Variants in SYNGR1 observed in about 807,000 individuals in gnomAD.
SYNGR1 encodes synaptogyrin-1.
SYNGR1 carries 14 observed loss-of-function variants against 26.1 expected under a neutral mutation model. The ratio of observed to expected loss-of-function variants is 0.54; its 90% CI spans 0.35 to 0.84. The LOEUF (loss-of-function observed/expected upper bound fraction) is 0.84, where lower values mean the gene tolerates loss of function less well. Ranked by LOEUF, SYNGR1 falls within the 40% of genes least tolerant of loss-of-function variation. The probability of loss-of-function intolerance (pLI) is 0.01; values close to 1 mark genes in which losing one functional copy is unlikely to be tolerated. For synonymous variants in SYNGR1, 141 were observed against 150.1 expected (o/e 0.94, Z 0.44); for missense variants, 319 against 332.9 (o/e 0.96, Z 0.33).
At chr22:39,360,905 C>A (rs957877915) in intron 1 of SYNGR1, among the ~76,000 whole-genome samples, 6 of 152,168 alleles carry the variant, frequency 3.9e-5, no homozygotes, top group African/African-American at 1.4e-4. Context: ...GCTTGGAGGG[C>A]GAGAACTGCA....
rs1923880372 is a variant in SYNGR1 at position 39,350,970 on chromosome 22, G to C, written c.99+861G>C. Among the ~76,000 whole-genome samples the C allele has an allele frequency of 6.6e-6, 1 of 152,220 alleles. No homozygotes were observed. The highest frequency in any genetic ancestry group is 1.5e-5 in the Non-Finnish European group (1 of 68,044). ...GCTGGGGGGCAGGGTCCTCAGTGCAGAGGGCTGAGTGGGCTCTTGTTCAGA... is the reference window on the plus strand; with the variant it reads ...GCTGGGGGGCAGGGTCCTCAGTGCACAGGGCTGAGTGGGCTCTTGTTCAGA... On this transcript the variant is annotated intron_variant, in intron 1 of 3. Transcript: ENST00000328933. This position sits in a 1 kb window ranked among gnomAD's most constrained non-coding sequence, Gnocchi z 4.3.
At chr22:39,355,198 A>T (rs12152131) in intron 1 of SYNGR1, among the ~76,000 whole-genome samples, 5,483 of 152,236 alleles carry the variant, frequency 0.036, 127 homozygotes, top group Non-Finnish European at 0.057. Context: ...TGGATGACAG[A>T]CTCACAAGCT....
chr22:39,367,311 C>T (rs1282104803), intron 1 of SYNGR1, among the ~76,000 whole-genome samples: 1 of 152,262 alleles, frequency 6.6e-6, no homozygotes, highest in Non-Finnish European at 1.5e-5. Flanking sequence ...GGGCAGGCAG[C>T]TCACTCACTC....
chr22:39,365,892 T>G (rs755731868), intron 1 of SYNGR1, among the ~76,000 whole-genome samples: 1 of 151,928 alleles, frequency 6.6e-6, no homozygotes, highest in Non-Finnish European at 1.5e-5. Flanking sequence ...GAGACAGGAT[T>G]TCATCATGTT....
chr22:39,378,259 A>T, intron 3 of SYNGR1: 2 of 1,005,118 alleles, frequency 2.0e-6, no homozygotes, highest in Non-Finnish European at 2.4e-6. Flanking sequence ...GCCTCAGTCC[A>T]CTTACCTGAA....
chr22:39,372,430 G>A lies in SYNGR1; in HGVS notation c.100-1886G>A, dbSNP rs187743769. ...ATAGGCATGAGCCACCATGCACCACGCCCAGCTCTTTTTTTTTTTTTTTTT... is the reference window on the plus strand; with the variant it reads ...ATAGGCATGAGCCACCATGCACCACACCCAGCTCTTTTTTTTTTTTTTTTT... On this transcript the variant is annotated intron_variant, in intron 1 of 3. Transcript: ENST00000328933. 2.7e-3 allele frequency among the ~76,000 whole-genome samples: 320 copies of A among 118,200 alleles called. 13 individuals carry two copies. The East Asian group carries it at 0.072, about 26-fold the overall frequency. The allele number at this position is 118,200 out of a possible 152,430, so 77.5% of individuals were successfully genotyped here.
At chr22:39,354,324 C>G (rs1265735812) in intron 1 of SYNGR1, among the ~76,000 whole-genome samples, 1 of 152,210 alleles carries the variant, frequency 6.6e-6, no homozygotes, top group East Asian at 1.9e-4. Flanking sequence ...AGAATTAAGG[C>G]TCAGCCTGGA....
Position 39,350,025 on chromosome 22 carries a change from G to T in SYNGR1, c.15G>T (p.Ala5=). Residue 5 remains alanine, a synonymous_variant, in exon 1 of 4, where the codon GCG becomes GCT. Coordinates refer to ENST00000328933, the MANE Select transcript of SYNGR1 (RefSeq NM_004711.5). This position sits in a 1 kb window ranked among gnomAD's most constrained non-coding sequence, Gnocchi z 4.3. The part of the protein sequence containing the change: MEGG[A]YGAGKAGGAF... ...GTGCAGCCACGATGGAAGGGGGTGC[G>T]TACGGAGCGGGCAAAGCCGGGGGCG... 1 of 1,376,022 alleles carries T rather than the reference G, an allele frequency of 7.3e-7. No homozygotes were observed. 85.2% of individuals were successfully genotyped at this position (1,376,022 alleles called of 1,614,324 possible).
intron 1 of SYNGR1, among the ~76,000 whole-genome samples, chr22:39,360,949 G>C (rs913844200): frequency 1.3e-5 from 2 of 152,226 alleles, no homozygotes; most frequent in African/African-American, 4.8e-5. Context: ...TTGCTTCCAG[G>C]CATCTCCTTA....
intron 3 of SYNGR1, among the ~76,000 whole-genome samples, chr22:39,378,800 T>C (rs1470576494): frequency 2.0e-5 from 3 of 152,198 alleles, no homozygotes; most frequent in East Asian, 1.9e-4. Context: ...ATCCTCCCTC[T>C]GCAGCCCAGG....
chr22:39,364,570 AGTGGGTTGTCCCTGAAG>A (rs1259158732), intron 1 of SYNGR1, among the ~76,000 whole-genome samples: 2 of 151,958 alleles, frequency 1.3e-5, no homozygotes, highest in East Asian at 3.9e-4. Context: ...GTGACTGGGA[AGTGGGTTGTCCCTGAAG>A]GTGTCTGGGA....
At chr22:39,360,235 C>T (rs1406897863) in intron 1 of SYNGR1, among the ~76,000 whole-genome samples, 1 of 152,218 alleles carries the variant, frequency 6.6e-6, no homozygotes, top group Non-Finnish European at 1.5e-5. Flanking sequence ...CTCTCCCTCT[C>T]TCTCCTCCAC....
intron 1 of SYNGR1, among the ~76,000 whole-genome samples, chr22:39,354,300 G>A (rs553753976): frequency 3.3e-5 from 5 of 152,292 alleles, no homozygotes; most frequent in Admixed American, 1.3e-4. Context: ...TCTTCCCCCC[G>A]TTTTACAAAT....
chr22:39,368,101 G>A (rs889935929), intron 1 of SYNGR1, among the ~76,000 whole-genome samples: 5 of 152,154 alleles, frequency 3.3e-5, no homozygotes, highest in Admixed American at 6.5e-5. Flanking sequence ...CCCTCCTGGC[G>A]TTTGCCAGGG....
At chr22:39,361,465 C>T (rs1924469526) in intron 1 of SYNGR1, among the ~76,000 whole-genome samples, 1 of 149,720 alleles carries the variant, frequency 6.7e-6, no homozygotes, top group Admixed American at 6.7e-5. Context: ...TCAACCGATT[C>T]TCCTGCCTCA....
Position 39,381,583 on chromosome 22 carries a change from C to T in SYNGR1, c.484-113C>T, listed in dbSNP as rs188552755. The T allele has an allele frequency of 5.6e-6, 6 of 1,074,570 alleles. No homozygotes were observed. In the Admixed American group the frequency reaches 5.8e-5, roughly 10 times the overall value. The allele number at this position is 1,074,570 out of a possible 1,614,324, so 66.6% of individuals were successfully genotyped here. On this transcript the variant is annotated intron_variant, in intron 3 of 3. Transcript: ENST00000328933. ...GTTTGGTGCTTTGAGGATCTTTAAC[C>T]CTCTCCTGCCTGTGTCCTGTGAACT...
At position 39,350,235 on chromosome 22, in the gene SYNGR1, A is replaced by T; in HGVS notation, c.99+126A>T. On this transcript the variant is annotated intron_variant, in intron 1 of 3. Transcript: ENST00000328933. The surrounding 1 kb of genome is among the most constrained non-coding windows in gnomAD (Gnocchi z 4.3). ...CCCGGCGGCGGCGCGGCGGCGGGCG[A>T]GGAGCTGTCCTGCCTGCGGGGCCCG... The T allele has an allele frequency of 1.8e-6, 1 of 544,670 alleles. No individual in the cohort carries two copies. The highest frequency in any genetic ancestry group is 5.4e-5 in the Admixed American group (1 of 18,360). The allele number at this position is 544,670 out of a possible 1,614,324, so 33.7% of individuals were successfully genotyped here. A position where few individuals can be genotyped will look rare whatever the true frequency, so the allele number is the denominator to read the frequency against.
In SYNGR1 at chr22:39,351,641, G is replaced by A. The variant is rs1439243519; in HGVS notation, c.99+1532G>A. 2.0e-5 allele frequency among the ~76,000 whole-genome samples: 3 copies of A among 152,284 alleles called. No homozygotes were observed. The East Asian group carries it at 5.8e-4, about 29-fold the overall frequency. On this transcript the variant is annotated intron_variant, in intron 1 of 3. Transcript: ENST00000328933. Reference sequence around the variant, plus strand: ...CCCTGGGCCTCTGGCCTGGAAGGGCGAAGCCACTGGCTTTGTGAGGGGGCT... The same window carrying A: ...CCCTGGGCCTCTGGCCTGGAAGGGCAAAGCCACTGGCTTTGTGAGGGGGCT...
At chr22:39,361,841 C>G (rs946699752) in intron 1 of SYNGR1, among the ~76,000 whole-genome samples, 1 of 152,086 alleles carries the variant, frequency 6.6e-6, no homozygotes, top group Non-Finnish European at 1.5e-5. Flanking sequence ...TTGCTCCCCT[C>G]TCCCACCTCT....
Sources: gnomAD v4.1 joint callset for allele counts (sites outside exome capture counted in the v4.1 genomes callset) on GRCh38, gnomAD v4.1.1 for gene constraint, Gnocchi (gnomAD v3.1) non-coding constraint, MANE v1.5 for transcripts, NCBI Gene and HGNC (gene_info 2026-07-23, HGNC 2026-07-21) for gene names.